The following CASP10 variants were observed in gnomAD, a reference collection of about 807,000 sequenced individuals.
CASP10 encodes the protein caspase 10.
Under a neutral mutation model 48.5 loss-of-function variants are expected in CASP10, and 41 were observed. The observed-to-expected ratio is 0.85, with a 90% CI of 0.66 to 1.10. The LOEUF (loss-of-function observed/expected upper bound fraction) is 1.10. Among genes scored for constraint, CASP10 ranks in the 50% least tolerant of loss-of-function variants. CASP10 has a pLI of 0.00. For synonymous variants in CASP10, 232 were observed against 238.4 expected (o/e 0.97, Z 0.25); for missense variants, 614 against 614.5 (o/e 1.00, Z 0.01).
At chr2:201,205,389 C>T (rs966810047) in intron 6 of CASP10, among the ~76,000 whole-genome samples, 1 of 151,756 alleles carries the variant, frequency 6.6e-6, no homozygotes, top group African/African-American at 2.4e-5. Context: ...CCATGCCCAG[C>T]TAATTTTTTG....
Position 201,209,332 on chromosome 2 carries a change from C to CT in CASP10, c.1190dup (p.Ile398HisfsTer7). On this transcript the variant is annotated frameshift_variant, in exon 9 of 10. Coordinates refer to ENST00000286186, the MANE Select transcript of CASP10 (RefSeq NM_032977.4). LOFTEE classifies it high-confidence loss of function. ...CTAGACTGGCTGAAAAACCTAAACT[C>CT]TTTTTCATCCAGGCCTGCCAAGGTG... 1 of 1,614,162 alleles carries CT rather than the reference C, an allele frequency of 6.2e-7. No individual in the cohort carries two copies. Among genetic ancestry groups the CT allele is most frequent in the Non-Finnish European group, 8.5e-7 (1 of 1,180,032 alleles).
intron 3 of CASP10, among the ~76,000 whole-genome samples, chr2:201,188,415 A>G (rs779090004): frequency 6.6e-6 from 1 of 152,140 alleles, no homozygotes; most frequent in Admixed American, 6.5e-5. Context: ...CCTGACTTCA[A>G]GTGATCTGCC....
At chr2:201,206,399 C>T (rs1481556444) in intron 7 of CASP10, 2 of 156,440 alleles carry the variant, frequency 1.3e-5, no homozygotes, top group East Asian at 3.8e-4. Flanking sequence ...TTTACAATAG[C>T]CTTAAAAAAT....
rs562161662 is a variant in CASP10 at position 201,217,253 on chromosome 2, T to C, written c.1416-335T>C. ...TTTCTAAGACCTGGTGTGTGGTTTC[T>C]ACCTCCTGACTGAAAAAAGTTTCTT... On this transcript the variant is annotated intron_variant, in intron 9 of 9. Coordinates refer to ENST00000286186, the MANE Select transcript of CASP10 (RefSeq NM_032977.4). Among the ~76,000 whole-genome samples the C allele has an allele frequency of 2.2e-4, 34 of 152,306 alleles. 1 individual carries two copies. The highest frequency in any genetic ancestry group is 7.9e-4 in the African/African-American group (33 of 41,570).
At chr2:201,199,622 T>C (rs1944940840) in intron 5 of CASP10, among the ~76,000 whole-genome samples, 2 of 146,538 alleles carry the variant, frequency 1.4e-5, no homozygotes, top group African/African-American at 5.1e-5. Context: ...TCACCCAGGC[T>C]GAAGTACAGT....
At chr2:201,198,983 T>C (rs909488229) in intron 5 of CASP10, among the ~76,000 whole-genome samples, 21 of 152,242 alleles carry the variant, frequency 1.4e-4, no homozygotes, top group African/African-American at 3.1e-4. Context: ...AGAATACCTA[T>C]GTACTGTTTT....
intron 5 of CASP10, among the ~76,000 whole-genome samples, chr2:201,199,081 T>C (rs1354868066): frequency 6.6e-6 from 1 of 152,190 alleles, no homozygotes; most frequent in African/African-American, 2.4e-5. Flanking sequence ...CTTTCTCCCT[T>C]TCTCTCCACA....
intron 5 of CASP10, among the ~76,000 whole-genome samples, chr2:201,200,114 A>G (rs1192389626): frequency 6.6e-6 from 1 of 152,222 alleles, no homozygotes; most frequent in Non-Finnish European, 1.5e-5. Context: ...CGTCATGTCC[A>G]TCTGCCCCCC....
rs534690483 is a variant in CASP10 at position 201,212,496 on chromosome 2, G to T, written c.1415+2934G>T. On this transcript the variant is annotated intron_variant, in intron 9 of 9. Coordinates refer to ENST00000286186, the MANE Select transcript of CASP10 (RefSeq NM_032977.4). ...GTAGGGTTAAGGATAAGTATTTGTT[G>T]AGGCTCTCATGTATTGGATGATGAG... 7 of 152,278 alleles carry T rather than the reference G, an allele frequency of 4.6e-5. No homozygotes were observed. The South Asian group carries it at 1.4e-3, about 32-fold the overall frequency. The allele number at this position is 152,278 out of a possible 1,614,324, so 9.4% of individuals were successfully genotyped here.
rs575693372 is a variant in CASP10 at position 201,210,359 on chromosome 2, A to G, written c.1415+797A>G. Among the ~76,000 whole-genome samples, 8 of 152,292 alleles carry G rather than the reference A, an allele frequency of 5.3e-5. No homozygotes were observed. The South Asian group carries it at 1.7e-3, about 32-fold the overall frequency. ...GAGACCCTGTTTCATTCAACTTTATATCCTCAGCCCCTGACCTGATATATT... is the reference window on the plus strand; with the variant it reads ...GAGACCCTGTTTCATTCAACTTTATGTCCTCAGCCCCTGACCTGATATATT... On this transcript the variant is annotated intron_variant, in intron 9 of 9. Coordinates refer to ENST00000286186, the MANE Select transcript of CASP10 (RefSeq NM_032977.4).
chr2:201,192,078 C>T (rs1286110434), intron 3 of CASP10, among the ~76,000 whole-genome samples: 2 of 152,008 alleles, frequency 1.3e-5, no homozygotes, highest in Non-Finnish European at 2.9e-5. Context: ...GCCCTTTATT[C>T]CTCCTGGTAG....
Position 201,185,985 on chromosome 2 carries a change from C to G in CASP10, c.208C>G (p.Leu70Val), listed in dbSNP as rs1944402071. 1.2e-6 allele frequency: 2 copies of G among 1,613,814 alleles called. No homozygotes were observed. The highest frequency in any genetic ancestry group is 1.7e-5 in the Admixed American group (1 of 59,984). The change falls in exon 2 of 10, where the codon CTG (leucine) becomes GTG (valine). Residue 70 changes from leucine (L) to valine (V), a missense_variant. Transcript: ENST00000286186. ...TTTTGAACATCTCTTGGCAGAGGAT[C>G]TGCTGAGTGAGGAAGACCCTTTCTT... ...DVFEHLLAED[L>V]LSEEDPFFLA...
chr2:201,228,210 C>T (rs1463749189), intron 9 of CASP10, among the ~76,000 whole-genome samples: 2 of 152,136 alleles, frequency 1.3e-5, no homozygotes, highest in Non-Finnish European at 2.9e-5. Flanking sequence ...GTGATGTACA[C>T]CTGTAGTCCC....
chr2:201,191,022 C>T (rs1421751284), intron 3 of CASP10, among the ~76,000 whole-genome samples: 1 of 151,876 alleles, frequency 6.6e-6, no homozygotes, highest in Admixed American at 6.6e-5. Flanking sequence ...CCACCACACC[C>T]AGCTAATTTT....
chr2:201,185,270 G>A (rs1289494516), intron 1 of CASP10, among the ~76,000 whole-genome samples: 2 of 152,184 alleles, frequency 1.3e-5, no homozygotes, highest in African/African-American at 4.8e-5. Flanking sequence ...ACAGGTAGCA[G>A]TCTGAAGTTA....
chr2:201,204,187 G>A (rs1945125642), intron 6 of CASP10, among the ~76,000 whole-genome samples: 1 of 152,336 alleles, frequency 6.6e-6, no homozygotes, highest in African/African-American at 2.4e-5. Context: ...AGAAGCAAGA[G>A]GAGGGACTTG....
chr2:201,224,124 A>G (rs947613425), downstream of CASP10, among the ~76,000 whole-genome samples: 5 of 152,136 alleles, frequency 3.3e-5, no homozygotes, highest in African/African-American at 1.2e-4. Context: ...GGCGCCCGCT[A>G]CCACGCCCAG....
Position 201,208,110 on chromosome 2 carries a change from A to C in CASP10, c.849A>C (p.Arg283Ser). 6.2e-7 allele frequency: 1 copy of C among 1,613,994 alleles called. No homozygotes were observed. Among genetic ancestry groups the C allele is most frequent in the Non-Finnish European group, 8.5e-7 (1 of 1,179,892 alleles). ...AAVYRMNRNH[R>S]GLCVIVNNHS... Reference sequence around the variant, plus strand: ...TGTACAGGATGAATCGGAACCACAGAGGCCTCTGTGTCATTGTCAACAACC... The same window carrying C: ...TGTACAGGATGAATCGGAACCACAGCGGCCTCTGTGTCATTGTCAACAACC... The change falls in exon 8 of 10, where the codon AGA becomes AGC. Residue 283 changes from arginine to serine, a missense_variant. Coordinates refer to ENST00000286186, the MANE Select transcript of CASP10 (RefSeq NM_032977.4).
At chr2:201,227,648 C>T (rs1449929663) in intron 9 of CASP10, among the ~76,000 whole-genome samples, 2 of 152,074 alleles carry the variant, frequency 1.3e-5, no homozygotes, top group African/African-American at 2.4e-5. Flanking sequence ...GCTCCACCTC[C>T]TGGGTTCATG....
Sources: allele counts gnomAD v4.1 joint callset (sites outside exome capture counted in the v4.1 genomes callset), GRCh38; gene constraint gnomAD v4.1.1; transcripts MANE v1.5; gene names NCBI Gene and HGNC (gene_info 2026-07-23, HGNC 2026-07-21).